Variants in GLTP observed in about 807,000 individuals in gnomAD.
The protein encoded by GLTP is glycolipid transfer protein.
In GLTP, 22 loss-of-function variants were observed where a neutral mutation model predicts 24.0. That is an observed-to-expected ratio of 0.92 (90% confidence interval 0.65 to 1.31). GLTP has a LOEUF of 1.31. Ranked by LOEUF, GLTP falls within the 50% of genes most tolerant of loss-of-function variation. The probability of loss-of-function intolerance (pLI) is 0.00; values close to 1 mark genes in which losing one functional copy is unlikely to be tolerated. For synonymous variants in GLTP, 92 were observed against 115.9 expected, an observed-to-expected ratio of 0.79 and a Z score of 1.33; for missense variants, 224 against 276.6, an observed-to-expected ratio of 0.81 and a Z score of 1.35.
At chr12:109,873,389 C>T (rs1448929097) in intron 1 of GLTP, among the ~76,000 whole-genome samples, 1 of 152,028 alleles carries the variant, frequency 6.6e-6, no homozygotes, top group Non-Finnish European at 1.5e-5. Flanking sequence ...AATCCCAGCA[C>T]TTTGGGAGGC....
chr12:109,869,956 C>T (rs1172921913), intron 1 of GLTP, among the ~76,000 whole-genome samples: 1 of 151,508 alleles, frequency 6.6e-6, no homozygotes, highest in Non-Finnish European at 1.5e-5. Flanking sequence ...AAGGTTTCAC[C>T]ATATCTCGAA....
At position 109,852,640 on chromosome 12, in the gene GLTP, A is replaced by G. The variant is rs559875325; in HGVS notation, c.545T>C (p.Leu182Pro). Residue 182 changes from leucine to proline, a missense_variant, in exon 5 of 5, where the codon CTC becomes CCC. Transcript: ENST00000318348. ...GGTCGCCGTGTAGTTGACTAGGAAG[A>G]GGCGGATCTTCTCCAGGCACTCCTC... Reference protein sequence around the residue: ...TEEECLEKIRLFLVNYTATID... With the variant: ...TEEECLEKIRPFLVNYTATID... 117 of 1,604,234 alleles carry G rather than the reference A, an allele frequency of 7.3e-5. No homozygotes were observed. The highest frequency in any genetic ancestry group is 5.8e-4 in the Admixed American group (35 of 60,002).
In GLTP at chr12:109,855,655, C is replaced by T. The variant is rs753474008; in HGVS notation, c.411G>A (p.Lys137=). The change falls in exon 4 of 5, where the codon AAG becomes AAA. Residue 137 remains lysine, a synonymous_variant. Coordinates refer to ENST00000318348, the MANE Select transcript of GLTP (RefSeq NM_016433.4). This position sits in a 1 kb window ranked among gnomAD's most constrained non-coding sequence, Gnocchi z 4.1. Reference sequence around the variant, plus strand: ...TCTGCACGATCCAGCCATGGTACTTCTTGAGGGCCATCTCGTAGGCCTTGG... The same window carrying T: ...TCTGCACGATCCAGCCATGGTACTTTTTGAGGGCCATCTCGTAGGCCTTGG... ...NATKAYEMAL[K]KYHGWIVQKI... 1 of 1,598,798 alleles carries T rather than the reference C, an allele frequency of 6.3e-7. No homozygotes were observed. Among genetic ancestry groups the T allele is most frequent in the East Asian group, 2.3e-5 (1 of 43,798 alleles).
At chr12:109,872,090 G>A (rs1041210896) in intron 1 of GLTP, among the ~76,000 whole-genome samples, 3 of 152,228 alleles carry the variant, frequency 2.0e-5, no homozygotes, top group Non-Finnish European at 2.9e-5. Context: ...TCCCAGGACC[G>A]GGTGGGCGGG....
chr12:109,877,517 C>T (rs1868925568), intron 1 of GLTP, among the ~76,000 whole-genome samples: 1 of 152,152 alleles, frequency 6.6e-6, no homozygotes, highest in African/African-American at 2.4e-5. Context: ...GGGGGTGCTA[C>T]TGGCGTCTGG....
At chr12:109,861,933 TG>T (rs1868377674) in intron 1 of GLTP, among the ~76,000 whole-genome samples, 1 of 152,216 alleles carries the variant, frequency 6.6e-6, no homozygotes, top group African/African-American at 2.4e-5. Context: ...GACTCATCCT[TG>T]ACCTGTGCCC....
At chr12:109,877,397 C>T (rs899251778) in intron 1 of GLTP, among the ~76,000 whole-genome samples, 3 of 152,164 alleles carry the variant, frequency 2.0e-5, no homozygotes, top group African/African-American at 7.2e-5. Context: ...GAATTAAATA[C>T]TTTTTAAAAA....
chr12:109,872,881 G>C lies in GLTP; in HGVS notation c.103+7391C>G, dbSNP rs543851620. Among the ~76,000 whole-genome samples the C allele has an allele frequency of 3.3e-5, 5 of 152,312 alleles. No homozygotes were observed. The South Asian group carries it at 1.0e-3, about 32-fold the overall frequency. On this transcript the variant is annotated intron_variant, in intron 1 of 4. Transcript: ENST00000318348. ...CTGCTATATTAGGAGGGTTAATACAGTTTCTTGTCTTTCTTGGGATATTCT... is the reference window on the plus strand; with the variant it reads ...CTGCTATATTAGGAGGGTTAATACACTTTCTTGTCTTTCTTGGGATATTCT...
intron 1 of GLTP, chr12:109,866,298 T>G (rs927456857): frequency 6.6e-6 from 1 of 152,094 alleles, no homozygotes; most frequent in South Asian, 2.1e-4. Context: ...GCATGGGAAT[T>G]TTGACCTGCT....
chr12:109,875,186 A>G (rs955284794), intron 1 of GLTP, among the ~76,000 whole-genome samples: 5 of 152,214 alleles, frequency 3.3e-5, no homozygotes, highest in African/African-American at 1.2e-4. Flanking sequence ...AGTGTTACAC[A>G]TTGAAATAAC....
intron 1 of GLTP, among the ~76,000 whole-genome samples, chr12:109,877,853 A>C (rs1868935945): frequency 6.6e-6 from 1 of 152,214 alleles, no homozygotes; most frequent in African/African-American, 2.4e-5. Flanking sequence ...CCTAAAGCTT[A>C]AGTCTTCAAC....
intron 1 of GLTP, among the ~76,000 whole-genome samples, chr12:109,863,786 C>T (rs1309875080): frequency 6.6e-6 from 1 of 152,240 alleles, no homozygotes; most frequent in Non-Finnish European, 1.5e-5. Flanking sequence ...TTTTTACTGC[C>T]ACTGGCTGGT....
intron 2 of GLTP, chr12:109,858,080 C>T (rs767116699): frequency 2.8e-5 from 13 of 456,848 alleles, no homozygotes; most frequent in African/African-American, 2.0e-4. Flanking sequence ...AGTCCAGGAA[C>T]GAAGGCCTCT....
intron 1 of GLTP, chr12:109,866,449 G>A (rs749448804): frequency 6.6e-6 from 1 of 152,222 alleles, no homozygotes; most frequent in Non-Finnish European, 1.5e-5. Context: ...GGGCTCAAGT[G>A]ATCTTCCTGC....
At chr12:109,867,863 C>T (rs541343884) in intron 1 of GLTP, among the ~76,000 whole-genome samples, 88 of 151,946 alleles carry the variant, frequency 5.8e-4, no homozygotes, top group African/African-American at 2.0e-3. Flanking sequence ...CTGCAAGCTC[C>T]GCCTTCTGGG....
chr12:109,863,216 G>A (rs1470773686), intron 1 of GLTP, among the ~76,000 whole-genome samples: 6 of 117,388 alleles, frequency 5.1e-5, no homozygotes, highest in Non-Finnish European at 7.5e-5. Context: ...TTTCAGCTTC[G>A]CCACATGTTT....
At chr12:109,863,033 CAA>C (rs1025872850) in intron 1 of GLTP, among the ~76,000 whole-genome samples, 9 of 152,024 alleles carry the variant, frequency 5.9e-5, no homozygotes. Flanking sequence ...GCCTGGGCAA[CAA>C]GAGTGAAATT....
At position 109,880,453 on chromosome 12, in the gene GLTP, G is replaced by T. The variant is rs1474485058; in HGVS notation, c.-79C>A. 1 of 518,676 alleles carries T rather than the reference G, an allele frequency of 1.9e-6. No individual in the cohort carries two copies. The highest frequency in any genetic ancestry group is 2.8e-6 in the Non-Finnish European group (1 of 358,110). 32.1% of individuals were successfully genotyped at this position (518,676 alleles called of 1,614,324 possible). On this transcript the variant is annotated 5_prime_UTR_variant, in exon 1 of 5. Transcript: ENST00000318348. This position sits in a 1 kb window ranked among gnomAD's most constrained non-coding sequence, Gnocchi z 5.1. ...CGCCCCCCCGGCCGCCGCCGTCAGC[G>T]CCGGGGCCGTCACAGCCGCCCGCCG...
chr12:109,858,242 GAAGAA>G, intron 2 of GLTP: 1 of 457,878 alleles, frequency 2.2e-6, no homozygotes, highest in Non-Finnish European at 4.4e-6. Flanking sequence ...CTGCTGGGAT[GAAGAA>G]ATGAGATCAT....
Sources: gnomAD v4.1 joint callset for allele counts (sites outside exome capture counted in the v4.1 genomes callset) on GRCh38, gnomAD v4.1.1 for gene constraint, Gnocchi (gnomAD v3.1) non-coding constraint, MANE v1.5 for transcripts, NCBI Gene and HGNC (gene_info 2026-07-23, HGNC 2026-07-21) for gene names.